SEZ6L: variants seen among roughly 807,000 people sequenced by gnomAD.
The protein encoded by SEZ6L is seizure related 6 homolog like.
A neutral mutation model predicts 106.2 loss-of-function variants in SEZ6L; 37 were observed. The ratio of observed to expected loss-of-function variants is 0.35; its 90% CI spans 0.27 to 0.46. The LOEUF (loss-of-function observed/expected upper bound fraction) is 0.46, where lower values mean the gene tolerates loss of function less well. Among genes scored for constraint, SEZ6L ranks in the 20% least tolerant of loss-of-function variants. The probability of loss-of-function intolerance (pLI) is 1.00; values close to 1 mark genes in which losing one functional copy is unlikely to be tolerated. For synonymous variants in SEZ6L, 541 were observed against 570.4 expected (o/e 0.95, Z 0.73); for missense variants, 1,172 against 1,332.8 (o/e 0.88, Z 1.88).
At chr22:26,314,195 C>T (rs996925532) in intron 9 of SEZ6L, among the ~76,000 whole-genome samples, 1 of 152,110 alleles carries the variant, frequency 6.6e-6, no homozygotes, top group Non-Finnish European at 1.5e-5. Context: ...TAATTGCATA[C>T]TCTAACTTCA....
intron 5 of SEZ6L, among the ~76,000 whole-genome samples, chr22:26,302,245 T>C (rs1250162656): frequency 1.3e-5 from 2 of 152,192 alleles, no homozygotes; most frequent in East Asian, 3.9e-4. Flanking sequence ...TGCATAATCC[T>C]GAGCCCCATG....
At chr22:26,305,888 T>C (rs950411059) in intron 5 of SEZ6L, 91 bp from the exon 6 acceptor site, 2 of 1,195,256 alleles carry the variant, frequency 1.7e-6, no homozygotes, top group African/African-American at 1.5e-5. Flanking sequence ...ACTCACTTCC[T>C]TCTCTCTCTC....
intron 1 of SEZ6L, among the ~76,000 whole-genome samples, chr22:26,217,930 A>T (rs752519424): frequency 6.6e-6 from 1 of 152,236 alleles, no homozygotes; most frequent in Non-Finnish European, 1.5e-5. Flanking sequence ...TGTCGACAAG[A>T]AATGAACACA....
chr22:26,294,552 T>C, intron 3 of SEZ6L, 127 bp downstream of exon 3: 1 of 911,458 alleles, frequency 1.1e-6, no homozygotes, highest in Non-Finnish European at 1.7e-6. Context: ...AGGCCAACTT[T>C]AGCTGGGTTT....
At chr22:26,216,072 G>C (rs897359686) in intron 1 of SEZ6L, among the ~76,000 whole-genome samples, 1 of 152,088 alleles carries the variant, frequency 6.6e-6, no homozygotes, top group Non-Finnish European at 1.5e-5. Flanking sequence ...CCAAACTAGA[G>C]CATTCTGACC....
intron 9 of SEZ6L, among the ~76,000 whole-genome samples, chr22:26,328,324 G>C (rs2082382985): frequency 6.6e-6 from 1 of 152,116 alleles, no homozygotes; most frequent in South Asian, 2.1e-4. Context: ...TGTAATAGAG[G>C]AAAAATGCTC....
intron 13 of SEZ6L, 136 bp from the exon 14 acceptor site, chr22:26,373,315 C>A: frequency 1.4e-6 from 1 of 700,780 alleles, no homozygotes; most frequent in Non-Finnish European, 2.5e-6. Context: ...TTATAGTGGC[C>A]CAAGATAAGT....
chr22:26,338,873 T>TTTTTTTC (rs1200383178), intron 9 of SEZ6L, among the ~76,000 whole-genome samples: 5 of 127,336 alleles, frequency 3.9e-5, no homozygotes, highest in Non-Finnish European at 6.9e-5. Flanking sequence ...TTTTCTTTTT[T>TTTTTTTC]TTTTTTTTTT....
intron 1 of SEZ6L, among the ~76,000 whole-genome samples, chr22:26,203,867 A>G (rs1941135501): frequency 6.6e-6 from 1 of 152,178 alleles, no homozygotes; most frequent in Admixed American, 6.5e-5. Context: ...TTAAGAGCTG[A>G]AGAAGAGTAG....
At chr22:26,350,961 A>G (rs2083257966) in intron 11 of SEZ6L, 91 bp from the exon 12 acceptor site, 3 of 1,389,566 alleles carry the variant, frequency 2.2e-6, no homozygotes, top group African/African-American at 2.9e-5. Flanking sequence ...CGGCCAAGTT[A>G]GGAAACTTTC....
At chr22:26,291,601 A>C (rs79777845) in intron 1 of SEZ6L, among the ~76,000 whole-genome samples, 1 of 152,050 alleles carries the variant, frequency 6.6e-6, no homozygotes, top group African/African-American at 2.4e-5. Context: ...ACTTAAAATT[A>C]AAATTTAAAT....
intron 2 of SEZ6L, 52 bp downstream of exon 2, chr22:26,293,198 A>G (rs1437767600): frequency 2.2e-5 from 32 of 1,461,988 alleles, no homozygotes; most frequent in Non-Finnish European, 2.8e-5. Context: ...TGAGGCACTC[A>G]CTATGTTCAG....
intron 1 of SEZ6L, among the ~76,000 whole-genome samples, chr22:26,228,341 C>T (rs756535804): frequency 5.9e-5 from 9 of 152,186 alleles, no homozygotes; most frequent in Admixed American, 1.3e-4. Context: ...GAAATGTGGT[C>T]GGGCGAGGTT....
intron 9 of SEZ6L, among the ~76,000 whole-genome samples, chr22:26,317,269 G>A (rs909842992): frequency 6.6e-6 from 1 of 152,084 alleles, no homozygotes; most frequent in Non-Finnish European, 1.5e-5. Flanking sequence ...TATGGTTCCA[G>A]CTTATGAATT....
At chr22:26,204,507 G>T (rs1376280652) in intron 1 of SEZ6L, among the ~76,000 whole-genome samples, 2 of 152,224 alleles carry the variant, frequency 1.3e-5, no homozygotes, top group Admixed American at 6.5e-5. Context: ...GCTAGAAGAG[G>T]TTAAGGAGTT....
intron 1 of SEZ6L, among the ~76,000 whole-genome samples, chr22:26,235,995 TCCTGGCCTTGG>T (rs776783245): frequency 6.6e-6 from 1 of 152,238 alleles, no homozygotes; most frequent in Admixed American, 6.5e-5. Flanking sequence ...CAGAGGCACC[TCCTGGCCTTGG>T]CCTGGCCTTG....
intron 1 of SEZ6L, among the ~76,000 whole-genome samples, chr22:26,180,420 A>G (rs925255913): frequency 7.9e-5 from 12 of 152,180 alleles, no homozygotes; most frequent in African/African-American, 2.7e-4. Flanking sequence ...GTTGACTTTT[A>G]TTATCTCTCT....
chr22:26,280,538 GGAA>G (rs776300625), intron 1 of SEZ6L, among the ~76,000 whole-genome samples: 2 of 152,112 alleles, frequency 1.3e-5, no homozygotes, highest in African/African-American at 4.8e-5. Context: ...CTTTTTAGAA[GGAA>G]GAAGACTTCT....
chr22:26,185,000 C>G (rs1939675623), intron 1 of SEZ6L, among the ~76,000 whole-genome samples: 1 of 152,182 alleles, frequency 6.6e-6, no homozygotes, highest in Non-Finnish European at 1.5e-5. Flanking sequence ...AGGAGAATTG[C>G]TTGAACCCAG....
Sources: allele counts gnomAD v4.1 joint callset (sites outside exome capture counted in the v4.1 genomes callset), GRCh38; gene constraint gnomAD v4.1.1; transcripts MANE v1.5; gene names NCBI Gene and HGNC (gene_info 2026-07-23, HGNC 2026-07-21).